The following STK3 variants were observed in gnomAD, a reference collection of about 807,000 sequenced individuals.
The protein encoded by STK3 is serine/threonine-protein kinase 3.
STK3 carries 41 observed loss-of-function variants against 58.0 expected under a neutral mutation model. The ratio of observed to expected loss-of-function variants is 0.71; its 90% confidence interval spans 0.55 to 0.92. The LOEUF is 0.92. STK3 is among the 40% of genes least tolerant of loss of function. STK3 has a pLI of 0.00. For synonymous variants in STK3, 170 were observed against 191.0 expected (o/e 0.89, Z 0.91); for missense variants, 479 against 602.7 (o/e 0.79, Z 2.15).
chr8:98,418,189 G>A (rs1208336275), intron 3 of STK3, among the ~76,000 whole-genome samples: 2 of 152,210 alleles, frequency 1.3e-5, no homozygotes, highest in Non-Finnish European at 2.9e-5. Context: ...TGAGATTACA[G>A]GCATGAGCCA....
intron 9 of STK3, among the ~76,000 whole-genome samples, chr8:98,531,650 C>T (rs1360073056): frequency 6.6e-6 from 1 of 152,184 alleles, no homozygotes; most frequent in African/African-American, 2.4e-5. Context: ...TCCTCTGTAG[C>T]TAGGAAAGTC....
chr8:98,427,964 G>C (rs958612073), intron 3 of STK3: 3 of 1,486,914 alleles, frequency 2.0e-6, no homozygotes, highest in Admixed American at 2.5e-5. Context: ...CGGCGCGGGC[G>C]GCCGGCGCCT....
chr8:98,910,658 A>G (rs1262341249), intron 1 of STK3, among the ~76,000 whole-genome samples: 5 of 152,224 alleles, frequency 3.3e-5, no homozygotes, highest in Admixed American at 1.3e-4. Flanking sequence ...TGTAGCCCGC[A>G]TTATTGGATG....
intron 1 of STK3, among the ~76,000 whole-genome samples, chr8:98,823,541 G>T (rs1179829100): frequency 6.6e-6 from 1 of 152,174 alleles, no homozygotes; most frequent in Non-Finnish European, 1.5e-5. Flanking sequence ...GTTATTTAAC[G>T]TCTTTGAGCC....
At chr8:98,748,269 A>T (rs1342947297) in intron 4 of STK3, among the ~76,000 whole-genome samples, 1 of 152,140 alleles carries the variant, frequency 6.6e-6, no homozygotes, top group Non-Finnish European at 1.5e-5. Flanking sequence ...GAATCATCTG[A>T]TTTACATAAA....
At chr8:98,743,027 C>T (rs367874667) in intron 4 of STK3, among the ~76,000 whole-genome samples, 35,283 of 150,138 alleles carry the variant, frequency 0.24, 4,659 homozygotes, top group East Asian at 0.41. Flanking sequence ...TTACAAGGGA[C>T]GTGAAGGACC....
At chr8:98,776,144 T>C (rs1366457826) in intron 1 of STK3, among the ~76,000 whole-genome samples, 2 of 151,756 alleles carry the variant, frequency 1.3e-5, no homozygotes, top group Non-Finnish European at 2.9e-5. Flanking sequence ...AGACTCTGAC[T>C]ACAGCCCCTA....
intron 3 of STK3, among the ~76,000 whole-genome samples, chr8:98,840,043 G>T (rs553415243): frequency 1.2e-4 from 18 of 152,142 alleles, no homozygotes; most frequent in African/African-American, 4.1e-4. Context: ...AAAAAATAAA[G>T]AGTAAGGGCA....
intron 3 of STK3, chr8:98,429,409 G>T (rs541495971): frequency 2.5e-6 from 4 of 1,601,530 alleles, no homozygotes; most frequent in African/African-American, 2.7e-5. Context: ...GATTCCCTAC[G>T]TTAGCCGGGA....
At chr8:98,370,088 AT>A (rs5893462), downstream of STK3, among the ~76,000 whole-genome samples, 79,984 of 127,594 alleles carry the variant, frequency 0.63, 25,345 homozygotes, top group Non-Finnish European at 0.71. Context: ...TGGGATTTTG[AT>A]TTTTTTTTTT....
rs148403383 is a variant in STK3, at chr8:98,898,545, C to T, written c.-78-14711G>A. Among the ~76,000 whole-genome samples the T allele has an allele frequency of 2.6e-5, 4 of 152,272 alleles. No homozygotes were observed. The East Asian group carries it at 7.7e-4, about 29-fold the overall frequency. On this transcript the variant is annotated intron_variant, in intron 1 of 1. Coordinates refer to the STK3 transcript ENST00000519420. ...CCTACAGCTCCATAAACTCTTTTCT[C>T]TCTCTTTCTAAAATGTTTTATGAGA...
chr8:98,697,100 C>T (rs1226354358), intron 6 of STK3, among the ~76,000 whole-genome samples: 5 of 152,198 alleles, frequency 3.3e-5, no homozygotes, highest in African/African-American at 4.8e-5. Flanking sequence ...GTGTATGTGT[C>T]GAGGAATTTA....
At chr8:98,853,476 T>C (rs1836553763) in intron 3 of STK3, among the ~76,000 whole-genome samples, 1 of 152,198 alleles carries the variant, frequency 6.6e-6, no homozygotes, top group African/African-American at 2.4e-5. Context: ...TCCCCTGCTT[T>C]GCACACCTCC....
At chr8:98,586,056 A>G (rs1318033641) in intron 7 of STK3, among the ~76,000 whole-genome samples, 3 of 152,084 alleles carry the variant, frequency 2.0e-5, no homozygotes, top group Non-Finnish European at 4.4e-5. Flanking sequence ...GGACAATTTG[A>G]CTTCCTCTTT....
chr8:98,721,013 G>T, intron 4 of STK3: 1 of 803,340 alleles, frequency 1.2e-6, no homozygotes, highest in Non-Finnish European at 1.5e-6. Context: ...ATTTTCAATG[G>T]TATGCCAGCC....
chr8:98,413,416 G>C (rs1818077585), intron 3 of STK3: 1 of 563,566 alleles, frequency 1.8e-6, no homozygotes, highest in African/African-American at 1.9e-5. Context: ...ATTTCCTGCT[G>C]ATCCCTCACT....
intron 1 of STK3, chr8:98,437,891 G>C (rs1302466539): frequency 6.6e-6 from 1 of 152,186 alleles, no homozygotes; most frequent in Non-Finnish European, 1.5e-5. Flanking sequence ...GTGTCCCTGG[G>C]CTTCCCCACT....
chr8:98,584,032 C>A (rs1814197008), intron 7 of STK3, among the ~76,000 whole-genome samples: 1 of 151,874 alleles, frequency 6.6e-6, no homozygotes, highest in African/African-American at 2.4e-5. Flanking sequence ...TTTAATTTAA[C>A]AAAATGCAAA....
At chr8:98,397,999 T>C (rs1817910139), downstream of STK3, among the ~76,000 whole-genome samples, 1 of 152,154 alleles carries the variant, frequency 6.6e-6, no homozygotes, top group Non-Finnish European at 1.5e-5. Context: ...CTCATGTAGT[T>C]CTTTATAGCT....
Sources: allele counts gnomAD v4.1 joint callset (sites outside exome capture counted in the v4.1 genomes callset), GRCh38; gene constraint gnomAD v4.1.1; transcripts MANE v1.5; gene names NCBI Gene and HGNC (gene_info 2026-07-23, HGNC 2026-07-21).